CDH13: variants seen among roughly 807,000 people sequenced by gnomAD.
The protein encoded by CDH13 is cadherin-13.
CDH13 carries 24 observed loss-of-function variants against 63.8 expected under a neutral mutation model. The observed-to-expected ratio is 0.38, with a 90% CI of 0.27 to 0.53. The LOEUF (loss-of-function observed/expected upper bound fraction) is 0.53, where lower values mean the gene tolerates loss of function less well. CDH13 is among the 20% of genes least tolerant of loss of function. The probability of loss-of-function intolerance (pLI) is 0.85; values close to 1 mark genes in which losing one functional copy is unlikely to be tolerated. For synonymous variants in CDH13, 503 were observed against 355.3 expected (o/e 1.42, Z -4.67); for missense variants, 1,049 against 903.1 (o/e 1.16, Z -2.07).
chr16:83,713,477 A>T (rs903903935), intron 10 of CDH13, among the ~76,000 whole-genome samples: 17 of 151,980 alleles, frequency 1.1e-4, no homozygotes, highest in Non-Finnish European at 2.1e-4. Flanking sequence ...CCAAGTAGGT[A>T]GATATTTGCA....
chr16:83,171,528 A>G (rs912435383), intron 4 of CDH13: 2 of 1,534,112 alleles, frequency 1.3e-6, no homozygotes, highest in Non-Finnish European at 1.7e-6. Flanking sequence ...TCAGATGAAG[A>G]TTTGGCAAGT....
chr16:83,056,670 G>A (rs188990132), intron 3 of CDH13, among the ~76,000 whole-genome samples: 4 of 152,252 alleles, frequency 2.6e-5, no homozygotes, highest in Admixed American at 6.5e-5. Flanking sequence ...TGGTTTGGCC[G>A]TGTCACCATC....
chr16:82,652,939 A>T (rs1417097852), intron 1 of CDH13, among the ~76,000 whole-genome samples: 1 of 152,162 alleles, frequency 6.6e-6, no homozygotes, highest in Non-Finnish European at 1.5e-5. Flanking sequence ...TCATTAGCTC[A>T]TTCATTCATT....
At chr16:83,623,066 C>T (rs1052791658) in intron 8 of CDH13, among the ~76,000 whole-genome samples, 1 of 152,192 alleles carries the variant, frequency 6.6e-6, no homozygotes, top group Non-Finnish European at 1.5e-5. Flanking sequence ...GACATCTTGT[C>T]CTTTAAGACT....
intron 5 of CDH13, among the ~76,000 whole-genome samples, chr16:83,272,814 G>A (rs930838536): frequency 3.9e-5 from 6 of 152,172 alleles, no homozygotes; most frequent in African/African-American, 1.4e-4. Flanking sequence ...CTGTTGAGTG[G>A]TCCTAGGAGT....
intron 5 of CDH13, among the ~76,000 whole-genome samples, chr16:83,228,531 G>A (rs533346259): frequency 6.6e-6 from 1 of 152,320 alleles, no homozygotes; most frequent in Non-Finnish European, 1.5e-5. Flanking sequence ...CTTGTGAGGA[G>A]GGTCATGTTA....
At chr16:83,334,124 C>G (rs550518612) in intron 5 of CDH13, among the ~76,000 whole-genome samples, 1 of 152,142 alleles carries the variant, frequency 6.6e-6, no homozygotes, top group Non-Finnish European at 1.5e-5. Flanking sequence ...AAGCCAGCAA[C>G]AGCTGTTCAT....
At position 83,342,843 on chromosome 16, in the gene CDH13, G is replaced by GTTTTTTTTTTTTTT. The variant is rs778316746; in HGVS notation, c.637-2008_637-1995dup. On this transcript the variant is annotated intron_variant, in intron 5 of 13. Transcript: ENST00000567109. ...TTAGGCACAGTGTTTTTTTGTTTCT[G>GTTTTTTTTTTTTTT]TTTTTTTTTTTTTTTTTTTTTTTTG... 1.8e-3 allele frequency among the ~76,000 whole-genome samples: 115 copies of GTTTTTTTTTTTTTT among 65,296 alleles called. 1 individual carries two copies. The highest frequency in any genetic ancestry group is 3.1e-3 in the East Asian group (6 of 1,946). 42.8% of individuals were successfully genotyped at this position (65,296 alleles called of 152,430 possible). A position where few individuals can be genotyped will look rare whatever the true frequency, so the allele number is the denominator to read the frequency against.
At chr16:82,902,858 T>C (rs143229852) in intron 2 of CDH13, among the ~76,000 whole-genome samples, 36 of 152,284 alleles carry the variant, frequency 2.4e-4, no homozygotes, top group African/African-American at 7.7e-4. Context: ...CAATATAAAC[T>C]GCCAACAGTA....
intron 5 of CDH13, among the ~76,000 whole-genome samples, chr16:83,326,661 T>C (rs2090369625): frequency 6.6e-6 from 1 of 152,142 alleles, no homozygotes; most frequent in Non-Finnish European, 1.5e-5. Context: ...GGACTATATT[T>C]ACACTTTGTC....
At chr16:83,682,405 C>T (rs1407692090) in intron 10 of CDH13, among the ~76,000 whole-genome samples, 1 of 152,130 alleles carries the variant, frequency 6.6e-6, no homozygotes, top group African/African-American at 2.4e-5. Context: ...GTCTCTTTAG[C>T]ATCTAAAATC....
At chr16:82,740,992 C>G (rs1158750804) in intron 1 of CDH13, among the ~76,000 whole-genome samples, 1 of 152,036 alleles carries the variant, frequency 6.6e-6, no homozygotes, top group Non-Finnish European at 1.5e-5. Context: ...AAGTGTATTA[C>G]TCTACATTGA....
chr16:82,774,451 T>C (rs187175794), intron 1 of CDH13, among the ~76,000 whole-genome samples: 19 of 152,256 alleles, frequency 1.2e-4, no homozygotes, highest in Middle Eastern at 3.4e-3. Flanking sequence ...CATAGAAATA[T>C]ACATAACATA....
intron 7 of CDH13, among the ~76,000 whole-genome samples, chr16:83,540,160 G>A (rs2075273179): frequency 6.6e-6 from 1 of 151,242 alleles, no homozygotes; most frequent in South Asian, 2.1e-4. Flanking sequence ...CGCCTCCCAG[G>A]TTGAAGCCAC....
rs746904500 is a variant in CDH13 at position 83,000,223 on chromosome 16, A to ATTTTTTTTTTTTTTTTTTTTT, written c.158-31766_158-31746dup. ...CTAGGAATATCCACAGGTTTAGCTT[A>ATTTTTTTTTTTTTTTTTTTTT]TTTTTTTTTTTTTTTTTTTTTTTTT... On this transcript the variant is annotated intron_variant, in intron 2 of 13. Coordinates refer to ENST00000567109, the MANE Select transcript of CDH13 (RefSeq NM_001257.5). 1.4e-4 allele frequency among the ~76,000 whole-genome samples: 5 copies of ATTTTTTTTTTTTTTTTTTTTT among 37,030 alleles called. 2 individuals carry two copies. Among genetic ancestry groups the ATTTTTTTTTTTTTTTTTTTTT allele is most frequent in the Non-Finnish European group, 3.0e-4 (5 of 16,804 alleles). 24.3% of individuals were successfully genotyped at this position (37,030 alleles called of 152,430 possible).
intron 4 of CDH13, among the ~76,000 whole-genome samples, chr16:83,190,109 A>T (rs1004475265): frequency 1.3e-5 from 2 of 152,212 alleles, no homozygotes; most frequent in African/African-American, 4.8e-5. Context: ...GTGAGAACAG[A>T]CTAATACACA....
At chr16:82,879,948 ACAT>A (rs59237837) in intron 2 of CDH13, among the ~76,000 whole-genome samples, 37,782 of 145,076 alleles carry the variant, frequency 0.26, 6,345 homozygotes, top group East Asian at 0.82. Flanking sequence ...ATATATTATA[ACAT>A]CAGTATGTAT....
intron 8 of CDH13, among the ~76,000 whole-genome samples, chr16:83,633,677 C>T (rs36113589): frequency 0.093 from 14,143 of 152,200 alleles, 725 homozygotes; most frequent in Admixed American, 0.12. Context: ...TCCAGGAAGA[C>T]GCACACTGGC....
chr16:83,349,964 C>A (rs1377948728), intron 6 of CDH13, among the ~76,000 whole-genome samples: 1 of 152,058 alleles, frequency 6.6e-6, no homozygotes, highest in African/African-American at 2.4e-5. Context: ...TTTTGGGGAG[C>A]TCAAGGAAAT....
Sources: allele counts gnomAD v4.1 joint callset (sites outside exome capture counted in the v4.1 genomes callset), GRCh38; gene constraint gnomAD v4.1.1; transcripts MANE v1.5; gene names NCBI Gene and HGNC (gene_info 2026-07-23, HGNC 2026-07-21).